The following GPC5 variants were observed in gnomAD, a reference collection of about 807,000 sequenced individuals.
GPC5 encodes the protein glypican 5.
Under a neutral mutation model 53.9 loss-of-function variants are expected in GPC5, and 47 were observed. The ratio of observed to expected loss-of-function variants is 0.87; its 90% CI spans 0.69 to 1.11. The LOEUF (loss-of-function observed/expected upper bound fraction) is 1.11, where lower values mean the gene tolerates loss of function less well. Ranked by LOEUF, GPC5 falls within the 50% of genes most tolerant of loss-of-function variation. The probability of loss-of-function intolerance (pLI) is 0.00; values close to 1 mark genes in which losing one functional copy is unlikely to be tolerated. For missense variants in GPC5, 748 were observed against 713.1 expected (o/e 1.05, Z -0.56); for synonymous variants, 286 against 263.3 (o/e 1.09, Z -0.84).
At chr13:92,727,842 G>A (rs532524305) in intron 7 of GPC5, among the ~76,000 whole-genome samples, 4 of 151,178 alleles carry the variant, frequency 2.6e-5, no homozygotes, top group East Asian at 2.0e-4. Context: ...GTCATTACTC[G>A]ATCATATTGG....
At chr13:91,594,325 T>G (rs1336215) in intron 2 of GPC5, among the ~76,000 whole-genome samples, 1 of 152,088 alleles carries the variant, frequency 6.6e-6, no homozygotes, top group Non-Finnish European at 1.5e-5. Context: ...TTTTCAGATA[T>G]GACTGTATGG....
At chr13:92,162,250 G>A (rs184378252) in intron 7 of GPC5, among the ~76,000 whole-genome samples, 120 of 151,754 alleles carry the variant, frequency 7.9e-4, no homozygotes, top group African/African-American at 2.1e-3. Flanking sequence ...GTTATTTTTC[G>A]TTTGAAATGC....
At chr13:92,743,479 T>C (rs1394987983) in intron 7 of GPC5, among the ~76,000 whole-genome samples, 1 of 152,122 alleles carries the variant, frequency 6.6e-6, no homozygotes, top group East Asian at 1.9e-4. Context: ...CTTAAGGAGA[T>C]TTTGGGCTGA....
intron 7 of GPC5, among the ~76,000 whole-genome samples, chr13:92,172,926 A>G (rs934557503): frequency 6.7e-6 from 1 of 149,112 alleles, no homozygotes; most frequent in South Asian, 2.2e-4. Flanking sequence ...TTTTTTAATT[A>G]AAAAATTTAG....
At chr13:91,548,525 C>T (rs568490849) in intron 2 of GPC5, among the ~76,000 whole-genome samples, 1 of 152,286 alleles carries the variant, frequency 6.6e-6, no homozygotes, top group Admixed American at 6.5e-5. Flanking sequence ...GTCAAAATGT[C>T]AGTTCTTCTA....
chr13:92,837,324 A>G (rs1878253030), intron 7 of GPC5, among the ~76,000 whole-genome samples: 1 of 152,182 alleles, frequency 6.6e-6, no homozygotes, highest in African/African-American at 2.4e-5. Context: ...GAAACATACT[A>G]GAAATCAAAT....
At chr13:92,702,011 C>T (rs1447807497) in intron 7 of GPC5, among the ~76,000 whole-genome samples, 2 of 150,954 alleles carry the variant, frequency 1.3e-5, no homozygotes, top group Non-Finnish European at 2.9e-5. Context: ...ATGTAGGTAA[C>T]TACTTTTCTC....
At chr13:92,619,841 T>C (rs1290906662) in intron 7 of GPC5, among the ~76,000 whole-genome samples, 2 of 152,042 alleles carry the variant, frequency 1.3e-5, no homozygotes, top group South Asian at 2.1e-4. Flanking sequence ...GGAAATAATA[T>C]ACTAACTGAA....
intron 7 of GPC5, among the ~76,000 whole-genome samples, chr13:92,445,283 C>A (rs1877757226): frequency 7.2e-6 from 1 of 138,694 alleles, no homozygotes; most frequent in Non-Finnish European, 1.5e-5. Context: ...AACAAAGATT[C>A]TCTTTTTGTG....
At chr13:92,753,246 A>C (rs376477379) in intron 7 of GPC5, among the ~76,000 whole-genome samples, 3 of 152,156 alleles carry the variant, frequency 2.0e-5, no homozygotes, top group Admixed American at 6.6e-5. Context: ...CTCACACGGC[A>C]GGGTACTCCA....
At chr13:92,475,228 A>G (rs1267433242) in intron 7 of GPC5, among the ~76,000 whole-genome samples, 2 of 149,480 alleles carry the variant, frequency 1.3e-5, no homozygotes, top group South Asian at 2.2e-4. Context: ...GTTTTTTCCA[A>G]TTCTGTGAAG....
intron 7 of GPC5, among the ~76,000 whole-genome samples, chr13:92,455,048 A>G (rs1386636610): frequency 6.6e-6 from 1 of 152,160 alleles, no homozygotes; most frequent in Non-Finnish European, 1.5e-5. Flanking sequence ...TTAAATATGT[A>G]TTGAGAAAGA....
At chr13:92,582,767 T>G (rs1566304357) in intron 7 of GPC5, among the ~76,000 whole-genome samples, 1 of 152,236 alleles carries the variant, frequency 6.6e-6, no homozygotes, top group Middle Eastern at 3.4e-3. Context: ...GTAAGTGGGG[T>G]TGTGGTCTTA....
chr13:91,434,238 G>A (rs150731028), intron 1 of GPC5, among the ~76,000 whole-genome samples: 5,285 of 152,250 alleles, frequency 0.035, 136 homozygotes, highest in Non-Finnish European at 0.051. Flanking sequence ...GGCTTTTGTT[G>A]CCAACGCTTT....
intron 2 of GPC5, among the ~76,000 whole-genome samples, chr13:91,584,827 G>A (rs7334558): frequency 0.02 from 2,969 of 152,140 alleles, 89 homozygotes; most frequent in African/African-American, 0.067. Context: ...TGATCTGCCC[G>A]CCCGGTCTCC....
chr13:91,981,624 A>T (rs6492566), intron 6 of GPC5, among the ~76,000 whole-genome samples: 5,011 of 152,216 alleles, frequency 0.033, 208 homozygotes, highest in African/African-American at 0.1. Context: ...GATGAAATTG[A>T]CTTCATTCAA....
intron 7 of GPC5, among the ~76,000 whole-genome samples, chr13:92,172,632 C>T (rs78030048): frequency 0.013 from 1,908 of 152,230 alleles, 32 homozygotes; most frequent in African/African-American, 0.044. Context: ...TCTACTGCTT[C>T]TTTCATTTAA....
chr13:92,697,468 T>C (rs2139243311), intron 7 of GPC5, among the ~76,000 whole-genome samples: 1 of 152,290 alleles, frequency 6.6e-6, no homozygotes, highest in South Asian at 2.1e-4. Context: ...CAATTGTTAA[T>C]GGGATTTCAC....
intron 7 of GPC5, among the ~76,000 whole-genome samples, chr13:92,546,686 A>C (rs1028644468): frequency 1.3e-5 from 2 of 152,274 alleles, no homozygotes; most frequent in Non-Finnish European, 2.9e-5. Context: ...TCATATGGAA[A>C]CAAAAAAGAG....
Sources: gnomAD v4.1 joint callset for allele counts (sites outside exome capture counted in the v4.1 genomes callset) on GRCh38, gnomAD v4.1.1 for gene constraint, MANE v1.5 for transcripts, NCBI Gene and HGNC (gene_info 2026-07-23, HGNC 2026-07-21) for gene names.